Variants in RUNX2 observed in about 807,000 individuals in gnomAD.
The protein encoded by RUNX2 is RUNX family transcription factor 2.
In RUNX2, 10 loss-of-function variants were observed where a neutral mutation model predicts 51.7. That is an observed-to-expected ratio of 0.19 (90% CI 0.12 to 0.33). The LOEUF (loss-of-function observed/expected upper bound fraction) is 0.33. Ranked by LOEUF, RUNX2 falls within the 10% of genes least tolerant of loss-of-function variation. The pLI is 1.00. For synonymous variants in RUNX2, 276 were observed against 273.6 expected (o/e 1.01, Z -0.09); for missense variants, 562 against 691.3 (o/e 0.81, Z 2.10).
At chr6:45,423,945 T>C (rs1798311234) in intron 3 of RUNX2, among the ~76,000 whole-genome samples, 1 of 152,218 alleles carries the variant, frequency 6.6e-6, no homozygotes, top group African/African-American at 2.4e-5. Flanking sequence ...GGAACAACTT[T>C]AGTTCGCCCA....
At chr6:45,483,793 G>A (rs1230726735) in intron 5 of RUNX2, among the ~76,000 whole-genome samples, 1 of 152,200 alleles carries the variant, frequency 6.6e-6, no homozygotes, top group African/African-American at 2.4e-5. Context: ...TGCGGAGAGG[G>A]TGTTCCAAGT....
chr6:45,504,708 A>G (rs1403017294), intron 6 of RUNX2, among the ~76,000 whole-genome samples: 12 of 152,216 alleles, frequency 7.9e-5, no homozygotes, highest in Non-Finnish European at 2.9e-5. Context: ...TGACAGTAAT[A>G]TGACAGAAAT....
intron 2 of RUNX2, among the ~76,000 whole-genome samples, chr6:45,418,359 C>T (rs77131077): frequency 0.08 from 12,143 of 151,374 alleles, 705 homozygotes; most frequent in South Asian, 0.18. Context: ...TGTTAAAGGA[C>T]ATGGTAGGGA....
At chr6:45,528,127 G>A (rs1309269173) in intron 7 of RUNX2, among the ~76,000 whole-genome samples, 4 of 152,010 alleles carry the variant, frequency 2.6e-5, no homozygotes, top group Non-Finnish European at 5.9e-5. Flanking sequence ...TCACTATCAC[G>A]AGAACAGTAT....
rs1581873220 is a variant in RUNX2 at position 45,358,136 on chromosome 6, A to G, written c.58+29352A>G. Among the ~76,000 whole-genome samples, 8 of 150,440 alleles carry G rather than the reference A, an allele frequency of 5.3e-5. No individual in the cohort carries two copies. In the East Asian group the frequency reaches 1.2e-3, roughly 22 times the overall value. ...AATGACCGTGTTAAAATCAAATATAAAAACAGGTTATAACATGTAAAATGT... is the reference window on the plus strand; with the variant it reads ...AATGACCGTGTTAAAATCAAATATAGAAACAGGTTATAACATGTAAAATGT... On this transcript the variant is annotated intron_variant, in intron 2 of 8. Transcript: ENST00000647337.
intron 3 of RUNX2, among the ~76,000 whole-genome samples, chr6:45,430,245 T>A (rs952866611): frequency 2.6e-5 from 4 of 152,184 alleles, no homozygotes; most frequent in African/African-American, 4.8e-5. Context: ...AGTGAGTCCC[T>A]CAGCTTTGGC....
chr6:45,469,282 G>T (rs1422571139), intron 5 of RUNX2, among the ~76,000 whole-genome samples: 1 of 152,144 alleles, frequency 6.6e-6, no homozygotes, highest in Non-Finnish European at 1.5e-5. Flanking sequence ...CACATAGTAG[G>T]TGCCCAGTGA....
intron 6 of RUNX2, among the ~76,000 whole-genome samples, chr6:45,497,194 T>C (rs1800673236): frequency 6.6e-6 from 1 of 152,248 alleles, no homozygotes; most frequent in Non-Finnish European, 1.5e-5. Context: ...CAGCGTTCCC[T>C]TTCATGATTT....
intron 2 of RUNX2, among the ~76,000 whole-genome samples, chr6:45,410,340 A>C (rs1040425609): frequency 6.6e-6 from 1 of 152,232 alleles, no homozygotes; most frequent in African/African-American, 2.4e-5. Context: ...GTGACAATGG[A>C]TATGGAAAGA....
In RUNX2 at chr6:45,328,783, G is replaced by T; in HGVS notation, c.57G>T (p.Trp19Cys). ...CACCATGTCAGCAAAACTTCTTTTG[G>T]GGTAAGTGTTACCATTTTTAAAATC... Reference protein sequence around the residue: ...TVTPCQQNFFWDPSTSRRFSP... With the variant: ...TVTPCQQNFFCDPSTSRRFSP... Residue 19 changes from tryptophan to cysteine, a missense_variant and splice_region_variant, in exon 2 of 9, where the codon TGG becomes TGT. Trp to Cys is a radical substitution (Grantham distance 215, BLOSUM62 -2). This residue lies in a region of RUNX2 where 153 missense variants were observed against 144.8 expected (regional missense o/e 1.06). Transcript: ENST00000647337. 1 of 1,611,794 alleles carries T rather than the reference G, an allele frequency of 6.2e-7. No individual in the cohort carries two copies. The highest frequency in any genetic ancestry group is 1.1e-5 in the South Asian group (1 of 91,032).
chr6:45,514,040 T>C (rs1198717123), intron 7 of RUNX2, among the ~76,000 whole-genome samples: 3 of 152,168 alleles, frequency 2.0e-5, no homozygotes, highest in African/African-American at 7.2e-5. Context: ...TTGCTTCTGT[T>C]TGGGGTCCCC....
intron 2 of RUNX2, among the ~76,000 whole-genome samples, chr6:45,380,041 C>T (rs1046130781): frequency 2.0e-5 from 3 of 152,168 alleles, no homozygotes; most frequent in African/African-American, 7.2e-5. Context: ...GTTCCTACCT[C>T]CTGGAATTTC....
intron 2 of RUNX2, chr6:45,371,751 A>T (rs1173419595): frequency 6.6e-6 from 5 of 756,928 alleles, no homozygotes; most frequent in Non-Finnish European, 6.4e-6. Flanking sequence ...TTTAAAAGAA[A>T]ATCTTAGGTA....
intron 2 of RUNX2, among the ~76,000 whole-genome samples, chr6:45,416,907 G>A (rs1330176419): frequency 1.3e-5 from 2 of 152,096 alleles, no homozygotes; most frequent in East Asian, 3.9e-4. Flanking sequence ...TGGCCCTTGG[G>A]AATGCTAACT....
chr6:45,393,348 A>T (rs765695644), intron 2 of RUNX2, among the ~76,000 whole-genome samples: 92 of 152,266 alleles, frequency 6.0e-4, no homozygotes, highest in Non-Finnish European at 1.2e-3. Context: ...GCTAGGAGTT[A>T]AGCTGTGCTT....
At chr6:45,514,230 A>G (rs1336210345) in intron 7 of RUNX2, among the ~76,000 whole-genome samples, 1 of 152,208 alleles carries the variant, frequency 6.6e-6, no homozygotes, top group Non-Finnish European at 1.5e-5. Flanking sequence ...TGAAAATAAC[A>G]TTGGAAAAAT....
chr6:45,442,837 C>T (rs771850751), intron 5 of RUNX2, among the ~76,000 whole-genome samples: 5 of 151,902 alleles, frequency 3.3e-5, no homozygotes, highest in Non-Finnish European at 5.9e-5. Flanking sequence ...GTGTCTGATG[C>T]CTTGGTGGGA....
chr6:45,359,702 A>T (rs1310225119), intron 2 of RUNX2, among the ~76,000 whole-genome samples: 1 of 152,190 alleles, frequency 6.6e-6, no homozygotes, highest in African/African-American at 2.4e-5. Context: ...CCTTGCTGAA[A>T]AAGATCTGTT....
chr6:45,367,063 A>T (rs1795254840), intron 2 of RUNX2, among the ~76,000 whole-genome samples: 1 of 152,174 alleles, frequency 6.6e-6, no homozygotes, highest in Non-Finnish European at 1.5e-5. Context: ...AGGTTGGGGA[A>T]AAAAAGCTAC....
Sources: allele counts gnomAD v4.1 joint callset (sites outside exome capture counted in the v4.1 genomes callset), GRCh38; gene constraint gnomAD v4.1.1; regional missense constraint gnomAD v4.1.1; transcripts MANE v1.5; gene names NCBI Gene and HGNC (gene_info 2026-07-23, HGNC 2026-07-21).